IL1RAPL1: variants seen among roughly 807,000 people sequenced by gnomAD.
IL1RAPL1 encodes interleukin 1 receptor accessory protein like 1.
IL1RAPL1 carries 3 observed loss-of-function variants against 48.4 expected under a neutral mutation model. The ratio of observed to expected loss-of-function variants is 0.06; its 90% CI spans 0.03 to 0.16. IL1RAPL1 has a LOEUF of 0.16. Ranked by LOEUF, IL1RAPL1 falls within the 10% of genes least tolerant of loss-of-function variation. The pLI is 1.00. For synonymous variants in IL1RAPL1, 185 were observed against 187.7 expected (o/e 0.99, Z 0.12); for missense variants, 349 against 530.6 (o/e 0.66, Z 3.36).
chrX:29,895,448 A>C (rs1932362965), intron 6 of IL1RAPL1, among the ~76,000 whole-genome samples: 1 of 111,916 alleles, frequency 8.9e-6, no homozygotes, highest in African/African-American at 3.2e-5. Context: ...GCTACTTGGG[A>C]GGCTGAGGCA....
intron 6 of IL1RAPL1, among the ~76,000 whole-genome samples, chrX:29,845,063 C>G (rs1461012660): frequency 3.6e-5 from 4 of 111,961 alleles, no homozygotes; most frequent in African/African-American, 1.3e-4. Context: ...GTAACGAATC[C>G]TATAGACAGC....
intron 2 of IL1RAPL1, among the ~76,000 whole-genome samples, chrX:29,111,925 C>CTT (rs34885583): frequency 0.013 from 761 of 59,686 alleles, 15 homozygotes; most frequent in African/African-American, 0.017. Flanking sequence ...TTTCACTTTT[C>CTT]TTTTTTTTTT....
At chrX:29,052,486 G>C (rs921406532) in intron 2 of IL1RAPL1, among the ~76,000 whole-genome samples, 8 of 111,379 alleles carry the variant, frequency 7.2e-5, no homozygotes, top group Admixed American at 3.8e-4. Flanking sequence ...TCACCTGGTT[G>C]TGTAATAGAT....
At chrX:28,987,386 A>G (rs1259838374) in intron 2 of IL1RAPL1, among the ~76,000 whole-genome samples, 1 of 112,160 alleles carries the variant, frequency 8.9e-6, no homozygotes, top group Admixed American at 9.4e-5. Context: ...TCAAAAATAA[A>G]AATTCCTGAA....
chrX:29,691,125 A>C (rs1202718499), intron 6 of IL1RAPL1, among the ~76,000 whole-genome samples: 1 of 111,480 alleles, frequency 9.0e-6, no homozygotes, highest in Non-Finnish European at 1.9e-5. Context: ...TGACCTGCTT[A>C]CCAATTTTAG....
intron 5 of IL1RAPL1, among the ~76,000 whole-genome samples, chrX:29,634,910 A>G (rs1423959639): frequency 2.7e-5 from 3 of 112,154 alleles, no homozygotes; most frequent in African/African-American, 9.7e-5. Context: ...TCAAAAAATT[A>G]CAATGAATAT....
chrX:28,923,029 G>C (rs1001527931), intron 2 of IL1RAPL1, among the ~76,000 whole-genome samples: 2 of 111,792 alleles, frequency 1.8e-5, no homozygotes, highest in Non-Finnish European at 3.8e-5. Flanking sequence ...TACCCCAACA[G>C]TAAAAGTAAC....
chrX:28,783,873 C>T (rs928963326), intron 1 of IL1RAPL1, among the ~76,000 whole-genome samples: 4 of 111,340 alleles, frequency 3.6e-5, no homozygotes, highest in Non-Finnish European at 7.5e-5. Flanking sequence ...CTTGAGAAGT[C>T]GTCTCTCATA....
At chrX:29,030,172 T>A (rs1055741831) in intron 2 of IL1RAPL1, among the ~76,000 whole-genome samples, 1 of 111,372 alleles carries the variant, frequency 9.0e-6, no homozygotes, top group Non-Finnish European at 1.9e-5. Flanking sequence ...TATCTCAGAA[T>A]TGAATAAAGT....
At chrX:29,747,698 T>C (rs1293571031) in intron 6 of IL1RAPL1, among the ~76,000 whole-genome samples, 1 of 112,936 alleles carries the variant, frequency 8.9e-6, no homozygotes, top group African/African-American at 3.2e-5. Flanking sequence ...AAATACTTTC[T>C]TAATCACCTC....
chrX:29,680,893 A>G (rs1926431815), intron 6 of IL1RAPL1, among the ~76,000 whole-genome samples: 1 of 111,899 alleles, frequency 8.9e-6, no homozygotes, highest in Non-Finnish European at 1.9e-5. Flanking sequence ...GCTGTCTCTA[A>G]GCCTGCAGAG....
intron 3 of IL1RAPL1, among the ~76,000 whole-genome samples, chrX:29,387,916 G>T (rs776930207): frequency 1.9e-5 from 2 of 107,843 alleles, no homozygotes; most frequent in Non-Finnish European, 3.8e-5. Flanking sequence ...TTCCTTGAAC[G>T]TAGGAGGTGA....
intron 1 of IL1RAPL1, among the ~76,000 whole-genome samples, chrX:28,600,866 T>G (rs1569136017): frequency 8.9e-6 from 1 of 112,109 alleles, no homozygotes; most frequent in African/African-American, 3.2e-5. Flanking sequence ...CACTTTTATA[T>G]TATGTGGAAA....
intron 2 of IL1RAPL1, among the ~76,000 whole-genome samples, chrX:29,270,988 A>G (rs766131556): frequency 1.8e-5 from 2 of 111,617 alleles, no homozygotes; most frequent in East Asian, 5.6e-4. Flanking sequence ...GCTGATAGGT[A>G]GTTTTTCAAT....
chrX:29,533,762 C>T (rs1352948764), intron 5 of IL1RAPL1, among the ~76,000 whole-genome samples: 1 of 111,645 alleles, frequency 9.0e-6, no homozygotes, highest in Non-Finnish European at 1.9e-5. Flanking sequence ...CACTCGTTTT[C>T]GTTTTTTATT....
At chrX:28,963,788 C>A (rs973517445) in intron 2 of IL1RAPL1, among the ~76,000 whole-genome samples, 8 of 111,067 alleles carry the variant, frequency 7.2e-5, no homozygotes, top group African/African-American at 2.6e-4. Flanking sequence ...CTTCCATCAT[C>A]TTCTCTCTCT....
intron 2 of IL1RAPL1, among the ~76,000 whole-genome samples, chrX:28,896,565 G>T (rs775629462): frequency 9.0e-6 from 1 of 111,067 alleles, no homozygotes; most frequent in African/African-American, 3.3e-5. Flanking sequence ...GGCTAGTCTC[G>T]GAACAAAACT....
chrX:29,180,256 C>T (rs904706740), intron 2 of IL1RAPL1, among the ~76,000 whole-genome samples: 2 of 110,325 alleles, frequency 1.8e-5, no homozygotes, highest in Non-Finnish European at 3.8e-5. Flanking sequence ...ATATAAAGCA[C>T]CTCTGAAAAC....
chrX:29,088,157 G>A (rs941400207), intron 2 of IL1RAPL1, among the ~76,000 whole-genome samples: 4 of 111,987 alleles, frequency 3.6e-5, no homozygotes, highest in South Asian at 3.7e-4. Context: ...TGTCAAATAC[G>A]TGCTGGACTC....
Sources: gnomAD v4.1 joint callset for allele counts (sites outside exome capture counted in the v4.1 genomes callset) on GRCh38, gnomAD v4.1.1 for gene constraint, MANE v1.5 for transcripts, NCBI Gene and HGNC (gene_info 2026-07-23, HGNC 2026-07-21) for gene names.